PDE7A: variants seen among roughly 807,000 people sequenced by gnomAD.
The protein encoded by PDE7A is phosphodiesterase 7A.
A neutral mutation model predicts 64.3 loss-of-function variants in PDE7A; 39 were observed. The observed-to-expected ratio is 0.61, with a 90% CI of 0.47 to 0.79. The LOEUF is 0.79. Among genes scored for constraint, PDE7A ranks in the 30% least tolerant of loss-of-function variants. The pLI, the probability that PDE7A is intolerant of heterozygous loss-of-function variation, is 0.00. For missense variants in PDE7A, 470 were observed against 582.8 expected, an observed-to-expected ratio of 0.81 and a Z score of 1.99; for synonymous variants, 203 against 206.8, an observed-to-expected ratio of 0.98 and a Z score of 0.16.
At chr8:65,795,652 G>A (rs992443617) in intron 1 of PDE7A, among the ~76,000 whole-genome samples, 3 of 152,086 alleles carry the variant, frequency 2.0e-5, no homozygotes, top group African/African-American at 4.8e-5. Context: ...GTCCATCAGC[G>A]TAGAAAGCCC....
chr8:65,776,909 G>C (rs900885661), intron 3 of PDE7A, among the ~76,000 whole-genome samples: 4 of 152,120 alleles, frequency 2.6e-5, no homozygotes, highest in African/African-American at 9.7e-5. Context: ...GAAAGATGAT[G>C]AAAGATATTC....
chr8:65,728,771 T>C (rs751099204), intron 7 of PDE7A, among the ~76,000 whole-genome samples: 1 of 152,170 alleles, frequency 6.6e-6, no homozygotes, highest in African/African-American at 2.4e-5. Context: ...GGCAGAAGAA[T>C]AGACATCCTG....
intron 1 of PDE7A, among the ~76,000 whole-genome samples, chr8:65,789,645 T>C (rs190027741): frequency 7.9e-5 from 12 of 152,370 alleles, no homozygotes; most frequent in Admixed American, 5.9e-4. Context: ...ATCTAACTTA[T>C]ATTTTTGGTA....
rs747974219 is a variant in PDE7A, at chr8:65,829,113, C to G, written c.138+12258G>C. 2.5e-4 allele frequency among the ~76,000 whole-genome samples: 38 copies of G among 151,996 alleles called. 1 individual carries two copies. The highest frequency in any genetic ancestry group is 3.7e-4 in the Non-Finnish European group (25 of 67,942). ...TAAAATTTTAAAAAAATTTAAATTA[C>G]TAAAAAATTCCACTACTCACCATTT... On this transcript the variant is annotated intron_variant, in intron 1 of 12. Coordinates refer to ENST00000401827, the MANE Select transcript of PDE7A (RefSeq NM_001242318.3).
At chr8:65,784,119 G>A (rs1047480963) in intron 1 of PDE7A, among the ~76,000 whole-genome samples, 4 of 152,138 alleles carry the variant, frequency 2.6e-5, no homozygotes, top group African/African-American at 4.8e-5. Flanking sequence ...TGAGGCAGGA[G>A]GATCCCTTGA....
At chr8:65,768,963 C>T (rs1231645142) in intron 3 of PDE7A, among the ~76,000 whole-genome samples, 2 of 152,066 alleles carry the variant, frequency 1.3e-5, no homozygotes, top group African/African-American at 2.4e-5. Context: ...AAGTAACAGA[C>T]ATGGCCAGGC....
chr8:65,809,006 A>G (rs993958941), intron 1 of PDE7A, among the ~76,000 whole-genome samples: 1 of 152,180 alleles, frequency 6.6e-6, no homozygotes, highest in Admixed American at 6.5e-5. Flanking sequence ...CATAACCTCT[A>G]CTCCTAAAGA....
At chr8:65,727,104 C>T in intron 8 of PDE7A, 66 bp downstream of exon 8, 1 of 1,119,284 alleles carries the variant, frequency 8.9e-7, no homozygotes, top group Non-Finnish European at 1.3e-6. Context: ...ACTTTCATTT[C>T]TTCAAAATAT....
rs369019799 is a variant in PDE7A at position 65,841,946 on chromosome 8, G to C, written c.-438C>G. ...CAGACCCAGGGCGCGCGGGACTCAG[G>C]AGCAGCGACCAGCTCGGGCCGCCGC... On this transcript the variant is annotated 5_prime_UTR_variant, in exon 1 of 13. Coordinates refer to ENST00000401827, the MANE Select transcript of PDE7A (RefSeq NM_001242318.3). 1.6e-5 allele frequency: 4 copies of C among 244,276 alleles called. No homozygotes were observed. The highest frequency in any genetic ancestry group is 1.0e-4 in the African/African-American group (4 of 39,834). 15.1% of individuals were successfully genotyped at this position (244,276 alleles called of 1,614,324 possible).
chr8:65,720,291 A>T (rs1263641415), intron 12 of PDE7A: 2 of 153,896 alleles, frequency 1.3e-5, no homozygotes, highest in African/African-American at 4.8e-5. Flanking sequence ...TATCAATCAA[A>T]TCATATTATA....
intron 1 of PDE7A, among the ~76,000 whole-genome samples, chr8:65,804,732 T>C (rs1412735190): frequency 1.3e-5 from 2 of 152,060 alleles, no homozygotes; most frequent in Non-Finnish European, 2.9e-5. Context: ...AGAGACAGGG[T>C]TTCACCATGT....
chr8:65,831,652 CA>C (rs771604227), intron 1 of PDE7A, among the ~76,000 whole-genome samples: 97 of 137,886 alleles, frequency 7.0e-4, no homozygotes, highest in South Asian at 2.1e-3. Context: ...TATGACTTAC[CA>C]AAAAAAAAAA....
At chr8:65,783,861 A>T (rs1042896259) in intron 1 of PDE7A, among the ~76,000 whole-genome samples, 3 of 152,330 alleles carry the variant, frequency 2.0e-5, no homozygotes, top group Admixed American at 2.0e-4. Flanking sequence ...ATAAGGATAG[A>T]TTTAAAAATG....
intron 1 of PDE7A, among the ~76,000 whole-genome samples, chr8:65,786,840 A>G (rs1052349175): frequency 1.3e-5 from 2 of 152,176 alleles, no homozygotes; most frequent in Non-Finnish European, 2.9e-5. Flanking sequence ...AGGTCAAAAC[A>G]TGGGCGAGGC....
At position 65,765,488 on chromosome 8, in the gene PDE7A, C is replaced by CAAAAAAAAAAAAA. The variant is rs11342419; in HGVS notation, c.283+14219_283+14231dup. Reference sequence around the variant, plus strand: ...TGGGCGACAGAGCGAGACTCCGTCTCAAAAAAAAAAAAAAAAAAAAAAAAA... The same window carrying CAAAAAAAAAAAAA: ...TGGGCGACAGAGCGAGACTCCGTCTCAAAAAAAAAAAAAAAAAAAAAAAAAAAAAAAAAAAAAA... On this transcript the variant is annotated intron_variant, in intron 3 of 12. Transcript: ENST00000401827. 2.5e-4 allele frequency: 11 copies of CAAAAAAAAAAAAA among 44,610 alleles called. 1 individual carries two copies. Among genetic ancestry groups the CAAAAAAAAAAAAA allele is most frequent in the Admixed American group, 7.6e-4 (2 of 2,624 alleles). The allele number at this position is 44,610 out of a possible 1,614,324, so 2.8% of individuals were successfully genotyped here.
At chr8:65,793,486 A>G (rs1809755634) in intron 1 of PDE7A, among the ~76,000 whole-genome samples, 1 of 43,724 alleles carries the variant, frequency 2.3e-5, no homozygotes, top group African/African-American at 1.3e-3. Flanking sequence ...AAGTTTCCTA[A>G]AAAAAAAAAA....
chr8:65,736,660 A>T (rs2128898795), intron 6 of PDE7A, among the ~76,000 whole-genome samples: 1 of 151,916 alleles, frequency 6.6e-6, no homozygotes, highest in Admixed American at 6.6e-5. Flanking sequence ...CTGAGGTGGG[A>T]GGATCGCATG....
rs554181700 is a variant in PDE7A at position 65,723,909 on chromosome 8, C to T, written c.1163-288G>A. ...TTCATGAAATAAAGATTCCTGGATC[C>T]GGGTTTTAAATTACACACACAAAAG... On this transcript the variant is annotated intron_variant, in intron 11 of 12. Coordinates refer to ENST00000401827, the MANE Select transcript of PDE7A (RefSeq NM_001242318.3). 2.2e-3 allele frequency among the ~76,000 whole-genome samples: 336 copies of T among 152,176 alleles called. 1 individual carries two copies. Among genetic ancestry groups the T allele is most frequent in the African/African-American group, 7.8e-3 (323 of 41,524 alleles).
At position 65,751,475 on chromosome 8, in the gene PDE7A, GT is replaced by G. The variant is rs796547034; in HGVS notation, c.284-3673del. On this transcript the variant is annotated intron_variant, in intron 3 of 12. Coordinates refer to ENST00000401827, the MANE Select transcript of PDE7A (RefSeq NM_001242318.3). ...AAGTTTCTATTGTATCCTTCCTGAG[GT>G]TTTTTTTTTTCTTTTCTCGAGTTTC... is the stretch of plus-strand genomic sequence containing the variant. Among the ~76,000 whole-genome samples the G allele has an allele frequency of 5.6e-3, 830 of 147,324 alleles. 17 individuals are homozygous for G. The highest frequency in any genetic ancestry group is 0.036 in the East Asian group (183 of 5,066).
Sources: gnomAD v4.1 joint callset for allele counts (sites outside exome capture counted in the v4.1 genomes callset) on GRCh38, gnomAD v4.1.1 for gene constraint, MANE v1.5 for transcripts, NCBI Gene and HGNC (gene_info 2026-07-23, HGNC 2026-07-21) for gene names.